Variants in WRN observed in about 807,000 individuals in gnomAD.
The protein encoded by WRN is bifunctional 3'-5' exonuclease/ATP-dependent helicase WRN.
In WRN, 149 loss-of-function variants were observed where a neutral mutation model predicts 180.7. The observed-to-expected ratio is 0.82, with a 90% confidence interval of 0.72 to 0.94. The LOEUF (loss-of-function observed/expected upper bound fraction) is 0.94, where lower values mean the gene tolerates loss of function less well. Among genes scored for constraint, WRN ranks in the 40% least tolerant of loss-of-function variants. The pLI is 0.00. For missense variants in WRN, 1,661 were observed against 1,700.1 expected, an observed-to-expected ratio of 0.98 and a Z score of 0.40; for synonymous variants, 548 against 568.9, an observed-to-expected ratio of 0.96 and a Z score of 0.52.
chr8:31,046,675 G>A (rs1054707375), intron 1 of WRN, among the ~76,000 whole-genome samples: 3 of 152,124 alleles, frequency 2.0e-5, no homozygotes, highest in Non-Finnish European at 2.9e-5. Context: ...GAAGATAGAG[G>A]TATGAGATCT....
intron 23 of WRN, among the ~76,000 whole-genome samples, chr8:31,130,742 C>A (rs1309828053): frequency 7.3e-6 from 1 of 136,222 alleles, no homozygotes; most frequent in African/African-American, 2.7e-5. Context: ...GATTGCCCCA[C>A]AAGTAACAGC....
Position 31,124,456 on chromosome 8 carries a change from T to TA in WRN, c.2631-56dup, listed in dbSNP as rs3087416. ...TGAAAAATAAACAGTAAAAAATAAG[T>TA]AAAAAAAAAAGTAAGAAAGTTGCCA... On this transcript the variant is annotated intron_variant, in intron 21 of 34. Transcript: ENST00000298139. The TA allele has an allele frequency of 4.2e-3, 4,642 of 1,105,896 alleles. 1 individual carries two copies. Among genetic ancestry groups the TA allele is most frequent in the Non-Finnish European group, 5.0e-3 (3,799 of 765,558 alleles). 68.5% of individuals were successfully genotyped at this position (1,105,896 alleles called of 1,614,324 possible). A position where few individuals can be genotyped will look rare whatever the true frequency, so the allele number is the denominator to read the frequency against.
intron 17 of WRN, 106 bp downstream of exon 17, chr8:31,096,956 A>G (rs1176197489): frequency 1.9e-6 from 2 of 1,045,694 alleles, no homozygotes; most frequent in Admixed American, 3.6e-5. Flanking sequence ...TATTTCAAAC[A>G]TTACTTCCTC....
chr8:31,116,593 T>G (rs1801533556), intron 20 of WRN, 65 bp downstream of exon 20: 2 of 1,592,630 alleles, frequency 1.3e-6, no homozygotes, highest in South Asian at 2.2e-5. Context: ...CTCAAATGTT[T>G]ATTTACCAGA....
At chr8:31,101,965 A>G (rs1454946364) in intron 18 of WRN, among the ~76,000 whole-genome samples, 1 of 151,994 alleles carries the variant, frequency 6.6e-6, no homozygotes, top group African/African-American at 2.4e-5. Flanking sequence ...GGTCCTATGT[A>G]CCTTTCATCC....
intron 34 of WRN, among the ~76,000 whole-genome samples, chr8:31,169,675 A>T (rs909091904): frequency 1.3e-5 from 2 of 152,154 alleles, no homozygotes; most frequent in African/African-American, 4.8e-5. Context: ...CCAATTTCAC[A>T]TCTGTCTCTA....
rs2130480368 is a variant in WRN, at chr8:31,157,404, A to G, written c.3856A>G (p.Thr1286Ala). The G allele has an allele frequency of 6.2e-7, 1 of 1,614,032 alleles. No homozygotes were observed. The highest frequency in any genetic ancestry group is 8.5e-7 in the Non-Finnish European group (1 of 1,179,994). Residue 1286 changes from threonine to alanine, a missense_variant, in exon 33 of 35, where the codon ACA becomes GCA. Transcript: ENST00000298139. ...TGAGAGCAGGATTCTGCCTCTCATGACAATTGGCATGCACTTATCCCAAGC... is the reference window on the plus strand; with the variant it reads ...TGAGAGCAGGATTCTGCCTCTCATGGCAATTGGCATGCACTTATCCCAAGC... ...IAESRILPLM[T>A]IGMHLSQAVK...
chr8:31,066,100 A>T (rs1462434392), intron 5 of WRN, among the ~76,000 whole-genome samples: 1 of 150,888 alleles, frequency 6.6e-6, no homozygotes, highest in Non-Finnish European at 1.5e-5. Flanking sequence ...CTGATCTCGA[A>T]CTCCTGACCT....
At chr8:31,101,132 A>G (rs151194387) in intron 18 of WRN, among the ~76,000 whole-genome samples, 177 bp downstream of exon 18, 190 of 152,362 alleles carry the variant, frequency 1.2e-3, no homozygotes, top group Middle Eastern at 3.4e-3. Context: ...GAGGAATATA[A>G]TAGAACAAGG....
intron 7 of WRN, among the ~76,000 whole-genome samples, chr8:31,072,157 A>C (rs1439985663): frequency 6.6e-6 from 1 of 152,218 alleles, no homozygotes; most frequent in Non-Finnish European, 1.5e-5. Flanking sequence ...TGCCATAGAC[A>C]TCGAGGAAAT....
intron 15 of WRN, 55 bp from the exon 16 acceptor site, chr8:31,091,775 A>G (rs1020822604): frequency 1.4e-6 from 2 of 1,432,016 alleles, no homozygotes; most frequent in East Asian, 4.6e-5. Context: ...TTAAGAGTGA[A>G]ATTGATATGT....
chr8:31,038,680 T>A (rs562226462), intron 1 of WRN, among the ~76,000 whole-genome samples: 6 of 152,306 alleles, frequency 3.9e-5, no homozygotes, highest in Non-Finnish European at 7.4e-5. Context: ...AGTTTTATAG[T>A]TTTACTTTTT....
chr8:31,133,855 A>G (rs1411097317), intron 24 of WRN, among the ~76,000 whole-genome samples: 1 of 152,234 alleles, frequency 6.6e-6, no homozygotes, highest in Non-Finnish European at 1.5e-5. Context: ...TGTATAATTT[A>G]TAAAAATTAT....
chr8:31,083,652 A>G (rs1563340417), intron 9 of WRN, 47 bp from the exon 10 acceptor site: 5 of 1,493,288 alleles, frequency 3.3e-6, no homozygotes, highest in South Asian at 1.1e-5. Context: ...AAAAGAGGAT[A>G]TGAAGTCAAT....
At chr8:31,090,603 T>A in intron 14 of WRN, 71 bp downstream of exon 14, 7 of 1,439,904 alleles carry the variant, frequency 4.9e-6, no homozygotes, top group Non-Finnish European at 6.8e-6. Flanking sequence ...TGCTTAATCT[T>A]TCATTAAACT....
Position 31,176,065 on chromosome 8 carries a change from A to G in WRN, c.*2963A>G, listed in dbSNP as rs998493665. 6.6e-6 allele frequency among the ~76,000 whole-genome samples: 1 copy of G among 152,182 alleles called. No homozygotes were observed. Among genetic ancestry groups the G allele is most frequent in the African/African-American group, 2.4e-5 (1 of 41,440 alleles). On this transcript the variant is annotated 3_prime_UTR_variant, in exon 35 of 35. Coordinates refer to ENST00000298139, the MANE Select transcript of WRN (RefSeq NM_000553.6). ...ATGCTGATGTAATGTTTTATTATAA[A>G]GGTGTACCATGAATTATGTACCTTA... is the stretch of plus-strand genomic sequence containing the variant.
intron 17 of WRN, 60 bp from the exon 18 acceptor site, chr8:31,100,789 G>T: frequency 1.5e-6 from 2 of 1,368,784 alleles, no homozygotes; most frequent in East Asian, 2.3e-5. Flanking sequence ...AGATGTAGAT[G>T]AGTTTATTTT....
chr8:31,127,292 C>G (rs1162157856), intron 23 of WRN, among the ~76,000 whole-genome samples: 1 of 152,064 alleles, frequency 6.6e-6, no homozygotes, highest in East Asian at 1.9e-4. Flanking sequence ...AAGGATAGTA[C>G]AAGGCAGTAT....
At chr8:31,166,980 T>C (rs773125726) in intron 33 of WRN, 42 bp from the exon 34 acceptor site, 9 of 1,555,754 alleles carry the variant, frequency 5.8e-6, no homozygotes, top group East Asian at 4.5e-5. Flanking sequence ...TAAAATATTC[T>C]CTGTAATTTA....
Sources: allele counts gnomAD v4.1 joint callset (sites outside exome capture counted in the v4.1 genomes callset), GRCh38; gene constraint gnomAD v4.1.1; transcripts MANE v1.5; gene names NCBI Gene and HGNC (gene_info 2026-07-23, HGNC 2026-07-21).